Variants in OSBPL6 observed in about 807,000 individuals in gnomAD.
OSBPL6 encodes oxysterol binding protein like 6, also known as oxysterol-binding protein-related protein 6.
OSBPL6 carries 49 observed loss-of-function variants against 125.8 expected under a neutral mutation model. The observed-to-expected ratio is 0.39, with a 90% CI of 0.31 to 0.49. The LOEUF is 0.49. Ranked by LOEUF, OSBPL6 falls within the 20% of genes least tolerant of loss-of-function variation. The pLI is 0.88. For synonymous variants in OSBPL6, 394 were observed against 391.8 expected (o/e 1.01, Z -0.07); for missense variants, 986 against 1,135.4 (o/e 0.87, Z 1.89).
chr2:178,281,368 GC>G (rs1684157729), intron 1 of OSBPL6, among the ~76,000 whole-genome samples: 1 of 152,110 alleles, frequency 6.6e-6, no homozygotes, highest in Non-Finnish European at 1.5e-5. Flanking sequence ...GAATGGTATT[GC>G]CTAGACTTTC....
chr2:178,294,557 A>T (rs1685560459), intron 2 of OSBPL6, among the ~76,000 whole-genome samples: 1 of 152,182 alleles, frequency 6.6e-6, no homozygotes, highest in Non-Finnish European at 1.5e-5. Context: ...TTTAAAACAG[A>T]TATCTTCTGG....
At chr2:178,340,562 A>C (rs1690105222) in intron 11 of OSBPL6, among the ~76,000 whole-genome samples, 1 of 152,082 alleles carries the variant, frequency 6.6e-6, no homozygotes, top group Admixed American at 6.5e-5. Context: ...AAACCATATT[A>C]CTTTCAGATC....
intron 1 of OSBPL6, among the ~76,000 whole-genome samples, chr2:178,256,993 A>T (rs2091906752): frequency 6.6e-6 from 1 of 152,228 alleles, no homozygotes. Context: ...AAAAAAAATT[A>T]AAAATTGGTC....
At position 178,299,497 on chromosome 2, in the gene OSBPL6, A is replaced by T. The variant is rs78372065; in HGVS notation, c.-155-6533A>T. On this transcript the variant is annotated intron_variant, in intron 2 of 24. Coordinates refer to ENST00000190611, the MANE Select transcript of OSBPL6 (RefSeq NM_032523.4). ...TATTCTCATATGTTTACTCTTCCAG[A>T]TGAACTTACTTTTTTTCTTTCTTTC... Among the ~76,000 whole-genome samples, 2,559 of 151,784 alleles carry T rather than the reference A, an allele frequency of 0.017. 102 individuals are homozygous for T. In the East Asian group the frequency reaches 0.18, roughly 11 times the overall value.
chr2:178,350,813 T>C (rs1178597463), intron 12 of OSBPL6, among the ~76,000 whole-genome samples: 1 of 152,212 alleles, frequency 6.6e-6, no homozygotes, highest in African/African-American at 2.4e-5. Flanking sequence ...ATGTGTGAGT[T>C]GAATATATGA....
intron 12 of OSBPL6, 28 bp downstream of exon 12, chr2:178,349,417 A>T: frequency 6.2e-7 from 1 of 1,601,920 alleles, no homozygotes; most frequent in Non-Finnish European, 8.5e-7. Context: ...GCGCCCTTTA[A>T]AGAAGCTCTC....
chr2:178,327,403 G>C (rs1688789178), intron 4 of OSBPL6, among the ~76,000 whole-genome samples: 1 of 152,088 alleles, frequency 6.6e-6, no homozygotes. Context: ...CATGGATGGG[G>C]CTACTGAAAA....
intron 1 of OSBPL6, among the ~76,000 whole-genome samples, chr2:178,237,027 A>G (rs2091080509): frequency 6.6e-6 from 1 of 152,156 alleles, no homozygotes; most frequent in Non-Finnish European, 1.5e-5. Context: ...CATATGGCCA[A>G]TACTGACCTT....
intron 1 of OSBPL6, among the ~76,000 whole-genome samples, chr2:178,212,531 T>C (rs527410198): frequency 1.3e-5 from 2 of 152,306 alleles, no homozygotes; most frequent in Admixed American, 1.3e-4. Context: ...AGAGCCAAGC[T>C]ATTAGTGTTA....
At chr2:178,210,890 G>A (rs1047990607) in intron 1 of OSBPL6, among the ~76,000 whole-genome samples, 12 of 151,744 alleles carry the variant, frequency 7.9e-5, no homozygotes, top group Non-Finnish European at 1.0e-4. Flanking sequence ...GACAAGGACA[G>A]GGGTAGAGGG....
chr2:178,308,522 A>G (rs566073617), intron 3 of OSBPL6, among the ~76,000 whole-genome samples: 6 of 152,324 alleles, frequency 3.9e-5, no homozygotes, highest in South Asian at 2.1e-4. Context: ...CTGAGAATAC[A>G]GTGGTATCTT....
At chr2:178,244,203 T>C (rs1018754153) in intron 1 of OSBPL6, among the ~76,000 whole-genome samples, 1 of 152,198 alleles carries the variant, frequency 6.6e-6, no homozygotes, top group Non-Finnish European at 1.5e-5. Context: ...TGCTACTCCC[T>C]CTGTCTGGAG....
At chr2:178,338,025 TC>T (rs1398398481) in intron 9 of OSBPL6, among the ~76,000 whole-genome samples, 1 of 150,910 alleles carries the variant, frequency 6.6e-6, no homozygotes, top group Non-Finnish European at 1.5e-5. Context: ...CACTGCAACC[TC>T]CGCCTCCCTG....
At chr2:178,240,291 G>A (rs2091237272) in intron 1 of OSBPL6, among the ~76,000 whole-genome samples, 1 of 152,172 alleles carries the variant, frequency 6.6e-6, no homozygotes, top group African/African-American at 2.4e-5. Flanking sequence ...ATAAGTCTGG[G>A]TGCGGTGGCT....
intron 1 of OSBPL6, among the ~76,000 whole-genome samples, chr2:178,218,537 A>G (rs931409800): frequency 5.3e-5 from 8 of 151,990 alleles, no homozygotes; most frequent in East Asian, 1.9e-4. Flanking sequence ...TTGCTTCTCA[A>G]ACATCTCCTT....
rs1427408779 is a variant in OSBPL6, at chr2:178,385,857, C to T, written c.2077+336C>T. Among the ~76,000 whole-genome samples the T allele has an allele frequency of 5.3e-5, 8 of 152,154 alleles. No homozygotes were observed. In the South Asian group the frequency reaches 1.0e-3, roughly 20 times the overall value. ...TCCATCTGCTGCCTTCTTGGTTCTT[C>T]GGGGTGTGCAAAGACATTTTAATTC... On this transcript the variant is annotated intron_variant, in intron 19 of 24. Transcript: ENST00000190611.
intron 1 of OSBPL6, among the ~76,000 whole-genome samples, chr2:178,282,139 T>C (rs1023347697): frequency 6.6e-6 from 1 of 152,120 alleles, no homozygotes; most frequent in African/African-American, 2.4e-5. Context: ...GTGAAGGAGT[T>C]GGGAGTTGCA....
rs183630715 is a variant in OSBPL6 at position 178,227,427 on chromosome 2, A to C, written c.-351+32753A>C. Reference sequence around the variant, plus strand: ...GAATTGACCAGTCACATTTCCTGCAACTCAGCATTTTACTCTTTCAGGTTT... The same window carrying C: ...GAATTGACCAGTCACATTTCCTGCACCTCAGCATTTTACTCTTTCAGGTTT... On this transcript the variant is annotated intron_variant, in intron 1 of 24. Transcript: ENST00000190611. Among the ~76,000 whole-genome samples the C allele has an allele frequency of 2.0e-5, 3 of 152,308 alleles. No individual in the cohort carries two copies. In the East Asian group the frequency reaches 5.8e-4, roughly 29 times the overall value.
At chr2:178,213,114 GA>G (rs1209746965) in intron 1 of OSBPL6, among the ~76,000 whole-genome samples, 4 of 152,052 alleles carry the variant, frequency 2.6e-5, no homozygotes, top group Non-Finnish European at 5.9e-5. Context: ...GCCGAGCACG[GA>G]CCCTCTTGAT....
Sources: gnomAD v4.1 joint callset for allele counts (sites outside exome capture counted in the v4.1 genomes callset) on GRCh38, gnomAD v4.1.1 for gene constraint, MANE v1.5 for transcripts, NCBI Gene and HGNC (gene_info 2026-07-23, HGNC 2026-07-21) for gene names.